The following PLXDC1 variants were observed in gnomAD, a reference collection of about 807,000 sequenced individuals.
The protein encoded by PLXDC1 is plexin domain containing 1, also known as plexin domain-containing protein 1.
PLXDC1 carries 39 observed loss-of-function variants against 61.3 expected under a neutral mutation model. That is an observed-to-expected ratio of 0.64 (90% CI 0.49 to 0.83). The LOEUF (loss-of-function observed/expected upper bound fraction) is 0.83, where lower values mean the gene tolerates loss of function less well. PLXDC1 is among the 40% of genes least tolerant of loss of function. The probability of loss-of-function intolerance (pLI) is 0.00; values close to 1 mark genes in which losing one functional copy is unlikely to be tolerated. For synonymous variants in PLXDC1, 212 were observed against 254.5 expected, an observed-to-expected ratio of 0.83 and a Z score of 1.59; for missense variants, 596 against 666.5, an observed-to-expected ratio of 0.89 and a Z score of 1.17.
At chr17:39,074,163 C>G (rs960921179) in intron 11 of PLXDC1, among the ~76,000 whole-genome samples, 1 of 152,126 alleles carries the variant, frequency 6.6e-6, no homozygotes, top group African/African-American at 2.4e-5. Flanking sequence ...CTCAAACTCT[C>G]CTGCCAAGAT....
chr17:39,135,229 G>A (rs561852225), intron 2 of PLXDC1, among the ~76,000 whole-genome samples: 2 of 152,344 alleles, frequency 1.3e-5, no homozygotes, highest in South Asian at 4.1e-4. Flanking sequence ...CCCTATGGCT[G>A]TCAGAGGGAC....
Position 39,072,497 on chromosome 17 carries a change from G to A in PLXDC1, c.1187-12C>T. 1 of 1,515,138 alleles carries A rather than the reference G, an allele frequency of 6.6e-7. No individual in the cohort carries two copies. Among genetic ancestry groups the A allele is most frequent in the Non-Finnish European group, 9.0e-7 (1 of 1,110,354 alleles). The allele number at this position is 1,515,138 out of a possible 1,614,324, so 93.9% of individuals were successfully genotyped here. A position where few individuals can be genotyped will look rare whatever the true frequency, so the allele number is the denominator to read the frequency against. On this transcript the variant is annotated splice_polypyrimidine_tract_variant and intron_variant, in intron 11 of 13. Coordinates refer to ENST00000315392, the MANE Select transcript of PLXDC1 (RefSeq NM_020405.5). The stretch of plus-strand genomic sequence containing the variant: ...CAACTTGGTGTCATCTTCAAAGAGA[G>A]AAGACAGAAGGAGCAAGATTAGTGG...
chr17:39,066,047 C>A lies in PLXDC1; in HGVS notation c.*1793G>T, dbSNP rs2143175739. The A allele has an allele frequency of 6.6e-6, 1 of 152,420 alleles. No homozygotes were observed. Among genetic ancestry groups the A allele is most frequent in the South Asian group, 2.1e-4 (1 of 4,834 alleles). The allele number at this position is 152,420 out of a possible 1,614,324, so 9.4% of individuals were successfully genotyped here. On this transcript the variant is annotated 3_prime_UTR_variant, in exon 14 of 14. Coordinates refer to ENST00000315392, the MANE Select transcript of PLXDC1 (RefSeq NM_020405.5). ...ACCACTCAGGTGCTTTGCCTCTCAA[C>A]AGAATCCACCTGCAGTTCCCTGCTA... is the stretch of plus-strand genomic sequence containing the variant.
intron 2 of PLXDC1, chr17:39,111,792 G>C (rs1027547377): frequency 2.0e-5 from 3 of 152,166 alleles, no homozygotes; most frequent in Admixed American, 6.6e-5. Context: ...CTGATGCCAC[G>C]GCCCCTGGGG....
chr17:39,144,125 C>T (rs1016957983), intron 1 of PLXDC1, among the ~76,000 whole-genome samples: 2 of 152,002 alleles, frequency 1.3e-5, no homozygotes, highest in African/African-American at 4.8e-5. Flanking sequence ...GCCTGCAGCC[C>T]GGGGAAGGAC....
chr17:39,100,156 C>T (rs1384531885), intron 7 of PLXDC1, among the ~76,000 whole-genome samples: 2 of 152,160 alleles, frequency 1.3e-5, no homozygotes, highest in South Asian at 2.1e-4. Flanking sequence ...TCCTGCCAAA[C>T]CACATGAAAG....
chr17:39,086,523 G>T (rs1294733161), intron 8 of PLXDC1, among the ~76,000 whole-genome samples: 2 of 152,188 alleles, frequency 1.3e-5, no homozygotes, highest in Non-Finnish European at 2.9e-5. Context: ...ACCGGGCATG[G>T]TGGCTCATGC....
At chr17:39,149,911 C>G (rs16512) in intron 1 of PLXDC1, among the ~76,000 whole-genome samples, 19,363 of 152,172 alleles carry the variant, frequency 0.13, 1,490 homozygotes, top group African/African-American at 0.21. Context: ...ATCCAACTCT[C>G]TCCTGTTTAC....
chr17:39,128,125 A>ATGTGTATATATATGTATATTTATG (rs1911397115), intron 2 of PLXDC1, among the ~76,000 whole-genome samples: 1 of 36,738 alleles, frequency 2.7e-5, no homozygotes, highest in Non-Finnish European at 5.5e-5. Context: ...GTATATATAT[A>ATGTGTATATATATGTATATTTATG]TGTGTATATA....
At chr17:39,076,785 G>A (rs1027731447) in intron 11 of PLXDC1, among the ~76,000 whole-genome samples, 5 of 152,238 alleles carry the variant, frequency 3.3e-5, no homozygotes, top group Non-Finnish European at 7.4e-5. Flanking sequence ...ACCCAGGCTG[G>A]AGTGCAGTGG....
At chr17:39,120,244 C>CAGGTTCAAGCG (rs1911116548) in intron 2 of PLXDC1, among the ~76,000 whole-genome samples, 1 of 152,120 alleles carries the variant, frequency 6.6e-6, no homozygotes. Context: ...CTCTGCCTCC[C>CAGGTTCAAGCG]AGGTTCAAGC....
intron 2 of PLXDC1, among the ~76,000 whole-genome samples, chr17:39,126,673 G>T (rs757073873): frequency 6.6e-6 from 1 of 152,088 alleles, no homozygotes; most frequent in Non-Finnish European, 1.5e-5. Context: ...ATCACAGGGC[G>T]CACTCACACA....
intron 2 of PLXDC1, among the ~76,000 whole-genome samples, chr17:39,127,861 G>C (rs879039690): frequency 1.3e-5 from 2 of 148,602 alleles, no homozygotes; most frequent in Non-Finnish European, 3.0e-5. Flanking sequence ...GGGAGGCTGA[G>C]GCAGGAGAAT....
intron 2 of PLXDC1, among the ~76,000 whole-genome samples, chr17:39,121,825 G>T (rs955156304): frequency 6.6e-6 from 1 of 152,128 alleles, no homozygotes. Context: ...TAATAAGAAT[G>T]GGTGACCGGG....
Position 39,109,132 on chromosome 17 carries a change from A to G in PLXDC1, c.399+116T>C, listed in dbSNP as rs1910703998. The G allele has an allele frequency of 3.0e-6, 4 of 1,347,112 alleles. No homozygotes were observed. In the Admixed American group the frequency reaches 8.4e-5, roughly 28 times the overall value. The allele number at this position is 1,347,112 out of a possible 1,614,324, so 83.4% of individuals were successfully genotyped here. On this transcript the variant is annotated intron_variant, in intron 3 of 13. Transcript: ENST00000315392. ...GGCAAAGTCCCATGGGAACCCCTGG[A>G]AGGTACCTCCCAGGTCACAGACCTC...
At chr17:39,103,571 C>G (rs928934591) in intron 7 of PLXDC1, among the ~76,000 whole-genome samples, 1 of 151,832 alleles carries the variant, frequency 6.6e-6, no homozygotes, top group Non-Finnish European at 1.5e-5. Context: ...CATGGCTGGG[C>G]GCGGTGGCTG....
At chr17:39,106,043 G>C (rs1163809675) in intron 6 of PLXDC1, 90 bp from the exon 7 acceptor site, 1 of 818,566 alleles carries the variant, frequency 1.2e-6, no homozygotes, top group South Asian at 1.7e-5. Context: ...CATCTTTCTG[G>C]ATGGCACCAC....
At position 39,066,674 on chromosome 17, in the gene PLXDC1, C is replaced by G. The variant is rs1249030536; in HGVS notation, c.*1166G>C. 1.3e-5 allele frequency: 2 copies of G among 152,220 alleles called. No individual in the cohort carries two copies. Among genetic ancestry groups the G allele is most frequent in the African/African-American group, 2.4e-5 (1 of 41,436 alleles). 9.4% of individuals were successfully genotyped at this position (152,220 alleles called of 1,614,324 possible). ...TATCTGAGCTCACTGCAACCTCTGC[C>G]TCCCAGGTTCAAGTGATTCTCGTGT... On this transcript the variant is annotated 3_prime_UTR_variant, in exon 14 of 14. Transcript: ENST00000315392.
intron 6 of PLXDC1, 57 bp from the exon 7 acceptor site, chr17:39,106,010 C>G: frequency 8.4e-7 from 1 of 1,189,518 alleles, no homozygotes; most frequent in Non-Finnish European, 1.2e-6. Context: ...GCCCACCCAG[C>G]CCTCCCCTGT....
Sources: gnomAD v4.1 joint callset for allele counts (sites outside exome capture counted in the v4.1 genomes callset) on GRCh38, gnomAD v4.1.1 for gene constraint, MANE v1.5 for transcripts, NCBI Gene and HGNC (gene_info 2026-07-23, HGNC 2026-07-21) for gene names.